Variants in ALB observed in about 807,000 individuals in gnomAD.
ALB encodes the protein serum albumin.
A neutral mutation model predicts 74.5 loss-of-function variants in ALB; 37 were observed. The observed-to-expected ratio is 0.50, with a 90% CI of 0.38 to 0.65. ALB has a LOEUF of 0.65. Ranked by LOEUF, ALB falls within the 30% of genes least tolerant of loss-of-function variation. ALB has a pLI of 0.00. For synonymous variants in ALB, 249 were observed against 251.6 expected, an observed-to-expected ratio of 0.99 and a Z score of 0.10; for missense variants, 685 against 718.7, an observed-to-expected ratio of 0.95 and a Z score of 0.54.
intron 8 of ALB, 103 bp downstream of exon 8, chr4:73,413,737 C>A: frequency 8.8e-7 from 1 of 1,140,512 alleles, no homozygotes; most frequent in Non-Finnish European, 1.3e-6. Flanking sequence ...TCCCTGCTGC[C>A]CAGAATGTTT....
intron 13 of ALB, 35 bp from the exon 14 acceptor site, chr4:73,420,219 T>C: frequency 6.3e-7 from 1 of 1,592,156 alleles, no homozygotes; most frequent in South Asian, 1.1e-5. Flanking sequence ...GTAATGCTAA[T>C]ATTTTCCTAA....
chr4:73,419,422 G>T, intron 12 of ALB, 85 bp from the exon 13 acceptor site: 1 of 1,430,358 alleles, frequency 7.0e-7, no homozygotes, highest in Non-Finnish European at 9.4e-7. Flanking sequence ...TAAATGATGG[G>T]ACTACCATCC....
At position 73,418,301 on chromosome 4, in the gene ALB, A is replaced by G. The variant is rs1341540741; in HGVS notation, c.1642A>G (p.Lys548Glu). The change falls in exon 12 of 15, where the codon AAG becomes GAG. Residue 548 changes from lysine to glutamate, a missense_variant. Coordinates refer to ENST00000295897, the MANE Select transcript of ALB (RefSeq NM_000477.7). ...CTLSEKERQI[K>E]KQTALVELVK... ...ACTTTCTGAGAAGGAGAGACAAATC[A>G]AGAAACAAACGTGAGGAGTATTTCA... The G allele has an allele frequency of 6.2e-7, 1 of 1,613,108 alleles. No homozygotes were observed.
Position 73,407,637 on chromosome 4 carries a change from T to G in ALB, c.270+876T>G, listed in dbSNP as rs185024227. 2.6e-5 allele frequency among the ~76,000 whole-genome samples: 4 copies of G among 152,338 alleles called. 1 individual carries two copies. Among genetic ancestry groups the G allele is most frequent in the African/African-American group, 9.6e-5 (4 of 41,588 alleles). ...TTTATCATCAGAAAACACCCACTGA[T>G]TTCTATGCTAATTTTGTTACCTGGG... On this transcript the variant is annotated intron_variant, in intron 3 of 14. Transcript: ENST00000295897.
chr4:73,412,191 G>C, intron 7 of ALB, 66 bp downstream of exon 7: 5 of 1,577,588 alleles, frequency 3.2e-6, no homozygotes, highest in East Asian at 2.2e-5. Context: ...GATGCGTTTG[G>C]TATCATTGGT....
In ALB at chr4:73,413,630, G is replaced by A. The variant is rs779608787; in HGVS notation, c.1054G>A (p.Gly352Ser). Reference protein sequence around the residue: ...NYAEAKDVFLGMFLYEYARRH... With the variant: ...NYAEAKDVFLSMFLYEYARRH... ...TGCTGAGGCAAAGGATGTCTTCCTG[G>A]GCATGTAAGTAGATAAGAAATTATT... Residue 352 changes from glycine to serine, a missense_variant, in exon 8 of 15, where the codon GGC becomes AGC. Physicochemically the swap from Gly to Ser is moderately conservative, Grantham distance 56. Transcript: ENST00000295897. 2.5e-6 allele frequency: 4 copies of A among 1,613,952 alleles called. No individual in the cohort carries two copies. Among genetic ancestry groups the A allele is most frequent in the Non-Finnish European group, 3.4e-6 (4 of 1,179,918 alleles).
At chr4:73,408,870 C>T (rs1718798987) in intron 4 of ALB, 65 bp downstream of exon 4, 2 of 1,317,868 alleles carry the variant, frequency 1.5e-6, no homozygotes, top group Non-Finnish European at 2.1e-6. Flanking sequence ...GGCCAACACT[C>T]TATAAAAATT....
At chr4:73,419,823 T>A (rs1719102626) in intron 13 of ALB, among the ~76,000 whole-genome samples, 184 bp downstream of exon 13, 1 of 152,224 alleles carries the variant, frequency 6.6e-6, no homozygotes, top group South Asian at 2.1e-4. Flanking sequence ...TGCTCTATTG[T>A]GCCATACTGT....
In ALB at chr4:73,417,324, G is replaced by A. The variant is rs528134746; in HGVS notation, c.1290-207G>A. On this transcript the variant is annotated intron_variant, in intron 10 of 14. Transcript: ENST00000295897. ...TCACTTTCCCAAGATTATGCAAGTG[G>A]TACAGGTGGAACTCAAAGCCAAGTT... Among the ~76,000 whole-genome samples, 9 of 152,258 alleles carry A rather than the reference G, an allele frequency of 5.9e-5. No individual in the cohort carries two copies. The East Asian group carries it at 1.2e-3, about 20-fold the overall frequency.
intron 10 of ALB, among the ~76,000 whole-genome samples, chr4:73,417,322 T>C (rs56056310): frequency 1.2e-4 from 18 of 152,340 alleles, no homozygotes; most frequent in African/African-American, 4.3e-4. Flanking sequence ...ATTATGCAAG[T>C]GGTACAGGTG....
At position 73,415,180 on chromosome 4, in the gene ALB, T is replaced by A; in HGVS notation, c.1191+13T>A. 6.2e-7 allele frequency: 1 copy of A among 1,613,914 alleles called. No homozygotes were observed. Among genetic ancestry groups the A allele is most frequent in the Non-Finnish European group, 8.5e-7 (1 of 1,179,930 alleles). On this transcript the variant is annotated intron_variant, in intron 9 of 14. Transcript: ENST00000295897. ...CTATGCCAAAGTGGTAGGTTTATTGTTGGAAAAAAATGTAGTTCTTTGACT... is the reference window on the plus strand; with the variant it reads ...CTATGCCAAAGTGGTAGGTTTATTGATGGAAAAAAATGTAGTTCTTTGACT...
rs938774395 is a variant in ALB at position 73,417,973 on chromosome 4, C to A, written c.1429-115C>A. The A allele has an allele frequency of 3.0e-6, 3 of 1,003,536 alleles. No individual in the cohort carries two copies. In the African/African-American group the frequency reaches 4.8e-5, roughly 16 times the overall value. 62.2% of individuals were successfully genotyped at this position (1,003,536 alleles called of 1,614,324 possible). ...AAGCCATTCTCCTGCCTCAGCCTCC[C>A]AAGTAGCTGGGACTACAGGTGCATG... is the stretch of plus-strand genomic sequence containing the variant. On this transcript the variant is annotated intron_variant, in intron 11 of 14. Transcript: ENST00000295897.
intron 2 of ALB, 76 bp downstream of exon 2, chr4:73,405,249 C>T (rs1257309065): frequency 7.9e-7 from 1 of 1,272,874 alleles, no homozygotes; most frequent in African/African-American, 1.5e-5. Context: ...CTTATATTTC[C>T]TTGTCATCAG....
chr4:73,409,692 T>A (rs1416477591), intron 5 of ALB, among the ~76,000 whole-genome samples: 1 of 152,170 alleles, frequency 6.6e-6, no homozygotes, highest in Non-Finnish European at 1.5e-5. Context: ...TGATGATCTG[T>A]CAGAGGTAAT....
intron 14 of ALB, chr4:73,420,797 T>C: frequency 6.1e-6 from 2 of 329,862 alleles, no homozygotes; most frequent in South Asian, 1.3e-4. Flanking sequence ...TTGGAGAATA[T>C]GATGGATCTA....
chr4:73,419,358 G>C (rs560476093), intron 12 of ALB, 149 bp from the exon 13 acceptor site: 1 of 774,440 alleles, frequency 1.3e-6, no homozygotes, highest in South Asian at 1.9e-5. Flanking sequence ...ACTTATAGCG[G>C]TATGCCTGAG....
chr4:73,405,868 G>A (rs1057133890), intron 2 of ALB, among the ~76,000 whole-genome samples: 1 of 152,050 alleles, frequency 6.6e-6, no homozygotes, highest in African/African-American at 2.4e-5. Context: ...GATTACAGGA[G>A]TGAGCCACCG....
At position 73,421,401 on chromosome 4, in the gene ALB, A is replaced by G; in HGVS notation, c.*333A>G. ...TGTGGGCTAATTAAATAAATCATTA[A>G]TACTCTTCTAAGTTATGGATTATAA... On this transcript the variant is annotated 3_prime_UTR_variant, in exon 15 of 15. Transcript: ENST00000295897. 3.7e-6 allele frequency: 1 copy of G among 272,662 alleles called. No homozygotes were observed. The highest frequency in any genetic ancestry group is 6.1e-5 in the East Asian group (1 of 16,482). 16.9% of individuals were successfully genotyped at this position (272,662 alleles called of 1,614,324 possible). A position where few individuals can be genotyped will look rare whatever the true frequency, so the allele number is the denominator to read the frequency against.
intron 4 of ALB, 78 bp from the exon 5 acceptor site, chr4:73,409,277 G>A: frequency 1.3e-6 from 2 of 1,498,742 alleles, no homozygotes; most frequent in Non-Finnish European, 1.8e-6. Context: ...GGAGGTTCTG[G>A]GGAGAATGTC....
Sources: allele counts gnomAD v4.1 joint callset (sites outside exome capture counted in the v4.1 genomes callset), GRCh38; gene constraint gnomAD v4.1.1; transcripts MANE v1.5; gene names NCBI Gene and HGNC (gene_info 2026-07-23, HGNC 2026-07-21).